The following CTNNA2 variants were observed in gnomAD, a reference collection of about 807,000 sequenced individuals.
CTNNA2 encodes the protein catenin alpha-2.
In CTNNA2, 42 loss-of-function variants were observed where a neutral mutation model predicts 101.0. That is an observed-to-expected ratio of 0.42 (90% CI 0.32 to 0.54). The LOEUF is 0.54. Among genes scored for constraint, CTNNA2 ranks in the 20% least tolerant of loss-of-function variants. The pLI, the probability that CTNNA2 is intolerant of heterozygous loss-of-function variation, is 0.14. For synonymous variants in CTNNA2, 450 were observed against 456.4 expected (o/e 0.99, Z 0.18); for missense variants, 871 against 1,223.1 (o/e 0.71, Z 4.29).
chr2:79,197,379 T>C (rs969795375), intron 1 of CTNNA2, among the ~76,000 whole-genome samples: 2 of 152,220 alleles, frequency 1.3e-5, no homozygotes, highest in East Asian at 3.8e-4. Context: ...TATTTGGCTT[T>C]CCCTGGTTGG....
At chr2:80,493,558 A>G (rs1256775726) in intron 9 of CTNNA2, among the ~76,000 whole-genome samples, 4 of 152,214 alleles carry the variant, frequency 2.6e-5, no homozygotes, top group Non-Finnish European at 5.9e-5. Flanking sequence ...CAAAGGATTA[A>G]TAAGTGGACT....
At chr2:79,802,899 AT>A (rs1171122661) in intron 3 of CTNNA2, among the ~76,000 whole-genome samples, 5 of 152,240 alleles carry the variant, frequency 3.3e-5, no homozygotes, top group Non-Finnish European at 5.9e-5. Context: ...AAAAAGCAGA[AT>A]TATGTTTCAA....
chr2:80,638,778 G>T (rs537876246), intron 18 of CTNNA2, among the ~76,000 whole-genome samples: 1 of 152,180 alleles, frequency 6.6e-6, no homozygotes, highest in Non-Finnish European at 1.5e-5. Context: ...TGGACTGGCC[G>T]ACTATGAAGC....
chr2:79,707,583 T>G (rs567039461), intron 2 of CTNNA2, among the ~76,000 whole-genome samples: 2 of 152,336 alleles, frequency 1.3e-5, no homozygotes, highest in East Asian at 3.9e-4. Flanking sequence ...CTGTGACTTT[T>G]TCTGCAGTGG....
At position 80,569,633 on chromosome 2, in the gene CTNNA2, GTTTTTTTTTT is replaced by G. The variant is rs70940088; in HGVS notation, c.1742-4512_1742-4503del. Among the ~76,000 whole-genome samples the G allele has an allele frequency of 6.8e-3, 352 of 51,738 alleles. 7 individuals are homozygous for G. The highest frequency in any genetic ancestry group is 0.011 in the Non-Finnish European group (277 of 25,578). The allele number at this position is 51,738 out of a possible 152,430, so 33.9% of individuals were successfully genotyped here. A position where few individuals can be genotyped will look rare whatever the true frequency, so the allele number is the denominator to read the frequency against. On this transcript the variant is annotated intron_variant, in intron 12 of 18. Coordinates refer to ENST00000402739, the MANE Select transcript of CTNNA2 (RefSeq NM_001282597.3). ...TCAGTATTACTTTTGGGGTATTTAG[GTTTTTTTTTT>G]TTTTTTTTTTTTTTTTTGAGATGGA...
intron 1 of CTNNA2, among the ~76,000 whole-genome samples, chr2:79,541,319 CAG>C (rs1272664272): frequency 8.7e-6 from 1 of 114,376 alleles, no homozygotes; most frequent in East Asian, 2.3e-4. Context: ...TATGTACACA[CAG>C]ATATCCTATA....
intron 9 of CTNNA2, among the ~76,000 whole-genome samples, chr2:80,433,475 C>G (rs562747120): frequency 1.3e-4 from 20 of 152,152 alleles, no homozygotes; most frequent in African/African-American, 4.8e-4. Flanking sequence ...GGGAATACAG[C>G]TAGATACAGT....
intron 7 of CTNNA2, among the ~76,000 whole-genome samples, chr2:80,301,674 C>T (rs763912892): frequency 6.6e-6 from 1 of 152,120 alleles, no homozygotes; most frequent in Non-Finnish European, 1.5e-5. Context: ...AGTCCTTACA[C>T]ATGTGGAGTA....
chr2:80,487,194 T>C (rs953693154), intron 9 of CTNNA2, among the ~76,000 whole-genome samples: 1 of 148,432 alleles, frequency 6.7e-6, no homozygotes, highest in Non-Finnish European at 1.5e-5. Context: ...GTCAGGAGAA[T>C]CGCTTGAACC....
intron 7 of CTNNA2, among the ~76,000 whole-genome samples, chr2:80,360,230 T>C (rs74330755): frequency 0.029 from 4,415 of 152,234 alleles, 116 homozygotes; most frequent in African/African-American, 0.066. Flanking sequence ...GAAAAGTTCA[T>C]TGTGCATTGA....
chr2:79,986,429 A>C (rs1460161965), intron 7 of CTNNA2, among the ~76,000 whole-genome samples: 3 of 152,110 alleles, frequency 2.0e-5, no homozygotes, highest in African/African-American at 7.2e-5. Context: ...CCTCTGGAGA[A>C]CTGTTGGTGG....
rs559400073 is a variant in CTNNA2 at position 79,263,429 on chromosome 2, C to T, written c.-405-49280C>T. On this transcript the variant is annotated intron_variant, in intron 2 of 21. Coordinates refer to the CTNNA2 transcript ENST00000466387. Reference sequence around the variant, plus strand: ...ATGTGATATTTCTGCTCCCTTTTGCCCTCAGCCATGATCATAAACTTCCTG... The same window carrying T: ...ATGTGATATTTCTGCTCCCTTTTGCTCTCAGCCATGATCATAAACTTCCTG... Among the ~76,000 whole-genome samples the T allele has an allele frequency of 2.0e-5, 3 of 152,254 alleles. 1 individual carries two copies. The South Asian group carries it at 6.2e-4, about 32-fold the overall frequency.
chr2:79,476,343 A>G (rs1197082083), intron 4 of CTNNA2, among the ~76,000 whole-genome samples: 1 of 152,228 alleles, frequency 6.6e-6, no homozygotes, highest in African/African-American at 2.4e-5. Flanking sequence ...CAGAAGAAAC[A>G]GAGAAATCCT....
At chr2:79,537,751 C>T (rs2103971047) in intron 1 of CTNNA2, among the ~76,000 whole-genome samples, 1 of 151,384 alleles carries the variant, frequency 6.6e-6, no homozygotes, top group South Asian at 2.1e-4. Flanking sequence ...TATTTGCATC[C>T]TAGAACATAA....
chr2:80,273,384 C>G (rs572900470), intron 7 of CTNNA2, among the ~76,000 whole-genome samples: 9 of 152,138 alleles, frequency 5.9e-5, no homozygotes, highest in Admixed American at 1.3e-4. Context: ...GTCCAGGACA[C>G]CATCATTTCT....
intron 2 of CTNNA2, among the ~76,000 whole-genome samples, chr2:79,662,833 T>A (rs1682130614): frequency 6.6e-6 from 1 of 152,184 alleles, no homozygotes; most frequent in Non-Finnish European, 1.5e-5. Context: ...ACTCTAAGTC[T>A]TTCTTGTAAC....
chr2:80,535,548 G>A (rs527684287), intron 9 of CTNNA2, among the ~76,000 whole-genome samples: 100 of 152,280 alleles, frequency 6.6e-4, no homozygotes, highest in African/African-American at 2.0e-3. Flanking sequence ...ATAAGAGTCA[G>A]AACATAAACC....
chr2:80,338,175 G>T (rs1166681580), intron 7 of CTNNA2, among the ~76,000 whole-genome samples: 1 of 152,002 alleles, frequency 6.6e-6, no homozygotes, highest in Non-Finnish European at 1.5e-5. Flanking sequence ...TTGTGGTAGA[G>T]ACAGGGTTTT....
At chr2:80,096,707 A>G (rs1700176067) in intron 7 of CTNNA2, among the ~76,000 whole-genome samples, 1 of 152,186 alleles carries the variant, frequency 6.6e-6, no homozygotes, top group African/African-American at 2.4e-5. Flanking sequence ...GGGTGCATAT[A>G]TATTTAGGAT....
Sources: gnomAD v4.1 joint callset for allele counts (sites outside exome capture counted in the v4.1 genomes callset) on GRCh38, gnomAD v4.1.1 for gene constraint, MANE v1.5 for transcripts, NCBI Gene and HGNC (gene_info 2026-07-23, HGNC 2026-07-21) for gene names.